The following RNF180 variants were observed in gnomAD, a reference collection of about 807,000 sequenced individuals.
RNF180 encodes the protein ring finger protein 180.
A neutral mutation model predicts 59.2 loss-of-function variants in RNF180; 38 were observed. The ratio of observed to expected loss-of-function variants is 0.64; its 90% CI spans 0.50 to 0.84. The LOEUF (loss-of-function observed/expected upper bound fraction) is 0.84, where lower values mean the gene tolerates loss of function less well. Among genes scored for constraint, RNF180 ranks in the 40% least tolerant of loss-of-function variants. The pLI is 0.00. For missense variants in RNF180, 705 were observed against 700.9 expected (o/e 1.01, Z -0.07); for synonymous variants, 262 against 240.3 (o/e 1.09, Z -0.84).
intron 5 of RNF180, among the ~76,000 whole-genome samples, chr5:64,316,025 AG>A (rs1483892001): frequency 2.6e-5 from 4 of 152,156 alleles, no homozygotes; most frequent in African/African-American, 9.7e-5. Context: ...CCACACCATC[AG>A]TACAATTGCC....
intron 7 of RNF180, among the ~76,000 whole-genome samples, chr5:64,338,485 A>C (rs545619345): frequency 6.6e-6 from 1 of 152,002 alleles, no homozygotes; most frequent in Non-Finnish European, 1.5e-5. Context: ...ATACAAAAAA[A>C]TTAGCCTGGC....
intron 5 of RNF180, among the ~76,000 whole-genome samples, chr5:64,293,266 A>C (rs1449175883): frequency 2.0e-5 from 3 of 151,886 alleles, no homozygotes; most frequent in Non-Finnish European, 4.4e-5. Flanking sequence ...CTGTTGTCCC[A>C]CTCTGCTTTT....
chr5:64,292,789 G>A (rs1157820224), intron 5 of RNF180, among the ~76,000 whole-genome samples: 1 of 152,190 alleles, frequency 6.6e-6, no homozygotes, highest in Non-Finnish European at 1.5e-5. Context: ...TCATTCCATA[G>A]GGAGATCAGA....
chr5:64,221,277 T>C (rs926500536), intron 5 of RNF180, among the ~76,000 whole-genome samples: 7 of 152,090 alleles, frequency 4.6e-5, no homozygotes, highest in African/African-American at 1.7e-4. Context: ...GCTTCAGTAA[T>C]GGAAATATGA....
intron 7 of RNF180, among the ~76,000 whole-genome samples, chr5:64,331,521 T>C (rs755616637): frequency 5.3e-5 from 8 of 152,090 alleles, no homozygotes. Flanking sequence ...CCTGTGAGTC[T>C]CCTCTCCACT....
intron 1 of RNF180, among the ~76,000 whole-genome samples, chr5:64,166,888 G>T (rs776141540): frequency 6.6e-6 from 1 of 152,156 alleles, no homozygotes; most frequent in Non-Finnish European, 1.5e-5. Context: ...TCTCAAAGAT[G>T]GACGGTCTGA....
intron 1 of RNF180, among the ~76,000 whole-genome samples, chr5:64,183,160 C>A: frequency 6.6e-6 from 1 of 152,152 alleles, no homozygotes. Context: ...AGAACATCTT[C>A]CTCACAAAGT....
At chr5:64,261,959 A>G (rs1744366290) in intron 5 of RNF180, among the ~76,000 whole-genome samples, 1 of 152,186 alleles carries the variant, frequency 6.6e-6, no homozygotes, top group African/African-American at 2.4e-5. Context: ...ATACAAGTTC[A>G]GAGTCTTATT....
At position 64,213,889 on chromosome 5, in the gene RNF180, C is replaced by A. The variant is rs201188055; in HGVS notation, c.563C>A (p.Pro188Gln). The change falls in exon 4 of 8, where the codon CCA (proline) becomes CAA (glutamine). Residue 188 changes from proline (P) to glutamine (Q), a missense_variant. Physicochemically the swap from Pro to Gln is moderately conservative, Grantham distance 76. Transcript: ENST00000389100. ...GAAGCACTCTGCCTGGAGGTGCGAC[C>A]AACATATTTTGAGATGAAGAACGAA... ...LTEALCLEVR[P>Q]TYFEMKNEKL... 1.6e-4 allele frequency: 258 copies of A among 1,614,066 alleles called. 3 individuals are homozygous for A. The East Asian group carries it at 5.4e-3, about 34-fold the overall frequency.
intron 5 of RNF180, among the ~76,000 whole-genome samples, chr5:64,318,349 T>C (rs1439459212): frequency 6.6e-6 from 1 of 152,200 alleles, no homozygotes; most frequent in East Asian, 1.9e-4. Context: ...TGGTAGTATA[T>C]ACAAAGTGGA....
intron 5 of RNF180, among the ~76,000 whole-genome samples, chr5:64,233,834 T>G (rs1742242166): frequency 6.6e-6 from 1 of 152,226 alleles, no homozygotes; most frequent in Non-Finnish European, 1.5e-5. Context: ...GTGTTAGAAC[T>G]GGAAAGGAAC....
At chr5:64,168,159 A>G (rs982322266) in intron 1 of RNF180, among the ~76,000 whole-genome samples, 1 of 152,220 alleles carries the variant, frequency 6.6e-6, no homozygotes, top group Non-Finnish European at 1.5e-5. Context: ...TCATGATAAC[A>G]TTCATAAACA....
At chr5:64,309,095 T>C (rs1743622171) in intron 5 of RNF180, among the ~76,000 whole-genome samples, 1 of 151,706 alleles carries the variant, frequency 6.6e-6, no homozygotes, top group Non-Finnish European at 1.5e-5. Flanking sequence ...CCAACATTAA[T>C]AGATGTATTT....
At chr5:64,286,330 A>G (rs1561239436) in intron 5 of RNF180, among the ~76,000 whole-genome samples, 1 of 152,250 alleles carries the variant, frequency 6.6e-6, no homozygotes. Flanking sequence ...CATGAGCTAT[A>G]TAAAGACATA....
At chr5:64,251,781 A>C (rs1170024216) in intron 5 of RNF180, among the ~76,000 whole-genome samples, 2 of 152,174 alleles carry the variant, frequency 1.3e-5, no homozygotes, top group Non-Finnish European at 2.9e-5. Flanking sequence ...CAACATTTAA[A>C]AACTAGCATT....
At chr5:64,288,184 T>C (rs1342895634) in intron 5 of RNF180, among the ~76,000 whole-genome samples, 1 of 152,212 alleles carries the variant, frequency 6.6e-6, no homozygotes, top group African/African-American at 2.4e-5. Context: ...TTTGTTTTTG[T>C]CAGGGTTGTT....
At chr5:64,205,384 C>G (rs2112078796) in intron 2 of RNF180, among the ~76,000 whole-genome samples, 1 of 152,188 alleles carries the variant, frequency 6.6e-6, no homozygotes, top group East Asian at 1.9e-4. Flanking sequence ...GACCTTGCAT[C>G]CAGACCTGAG....
At chr5:64,347,569 A>ATTG (rs1447457208) in intron 7 of RNF180, among the ~76,000 whole-genome samples, 1 of 152,122 alleles carries the variant, frequency 6.6e-6, no homozygotes, top group Admixed American at 6.6e-5. Context: ...TGCATTTTTC[A>ATTG]TTGTTGCAGT....
Position 64,361,713 on chromosome 5 carries a change from A to C in RNF180, c.1580-7902A>C, listed in dbSNP as rs144916563. ...ATACCAAAATAATTAACAGCTTATCACAAAGAATAAGTTATGATTATGCCT... is the reference window on the plus strand; with the variant it reads ...ATACCAAAATAATTAACAGCTTATCCCAAAGAATAAGTTATGATTATGCCT... On this transcript the variant is annotated intron_variant, in intron 7 of 7. Transcript: ENST00000389100. Among the ~76,000 whole-genome samples the C allele has an allele frequency of 8.8e-3, 1,328 of 151,698 alleles. 19 individuals are homozygous for C. The highest frequency in any genetic ancestry group is 0.013 in the Non-Finnish European group (850 of 67,678).
Sources: allele counts gnomAD v4.1 joint callset (sites outside exome capture counted in the v4.1 genomes callset), GRCh38; gene constraint gnomAD v4.1.1; transcripts MANE v1.5; gene names NCBI Gene and HGNC (gene_info 2026-07-23, HGNC 2026-07-21).